RIPK2: variants seen among roughly 807,000 people sequenced by gnomAD.
RIPK2 encodes receptor-interacting serine/threonine-protein kinase 2.
A neutral mutation model predicts 60.9 loss-of-function variants in RIPK2; 38 were observed. The ratio of observed to expected loss-of-function variants is 0.62; its 90% confidence interval spans 0.48 to 0.82. The LOEUF (loss-of-function observed/expected upper bound fraction) is 0.82, where lower values mean the gene tolerates loss of function less well. RIPK2 is among the 40% of genes least tolerant of loss of function. RIPK2 has a pLI of 0.00. For missense variants in RIPK2, 518 were observed against 647.0 expected, an observed-to-expected ratio of 0.80 and a Z score of 2.16; for synonymous variants, 225 against 223.4, an observed-to-expected ratio of 1.01 and a Z score of -0.06.
At chr8:89,769,664 C>A in intron 3 of RIPK2, 108 bp from the exon 4 acceptor site, 1 of 687,958 alleles carries the variant, frequency 1.5e-6, no homozygotes, top group South Asian at 2.9e-5. Flanking sequence ...AAATATATTA[C>A]ATTTTCTCTG....
At chr8:89,780,989 A>G (rs1013282042) in intron 7 of RIPK2, among the ~76,000 whole-genome samples, 1 of 151,160 alleles carries the variant, frequency 6.6e-6, no homozygotes, top group African/African-American at 2.4e-5. Flanking sequence ...AAAAGCAACC[A>G]CAGTTCATTA....
At chr8:89,788,213 CA>C (rs1809618327) in intron 9 of RIPK2, among the ~76,000 whole-genome samples, 2 of 151,570 alleles carry the variant, frequency 1.3e-5, no homozygotes, top group South Asian at 4.2e-4. Context: ...TATGGTGGTG[CA>C]CACCTGTAAT....
chr8:89,779,273 C>T (rs1467750693), intron 6 of RIPK2, among the ~76,000 whole-genome samples: 5 of 135,974 alleles, frequency 3.7e-5, no homozygotes, highest in Non-Finnish European at 6.3e-5. Flanking sequence ...CAAAAGTGTT[C>T]AAATTTTTTG....
intron 6 of RIPK2, among the ~76,000 whole-genome samples, chr8:89,777,651 A>G (rs2130570154): frequency 6.6e-6 from 1 of 152,142 alleles, no homozygotes; most frequent in African/African-American, 2.4e-5. Context: ...GACATGTTTC[A>G]TTTATAGCCA....
At chr8:89,765,825 T>C (rs1480872123) in intron 3 of RIPK2, among the ~76,000 whole-genome samples, 1 of 151,802 alleles carries the variant, frequency 6.6e-6, no homozygotes, top group Non-Finnish European at 1.5e-5. Flanking sequence ...TAAAGAGGTT[T>C]CATGTATCCT....
chr8:89,790,310 T>G lies in RIPK2; in HGVS notation c.1517T>G (p.Val506Gly). The change falls in exon 11 of 11, where the codon GTA becomes GGA. Residue 506 changes from valine (V) to glycine (G), a missense_variant. This residue lies in a region of RIPK2 where 41 missense variants were observed against 43.7 expected (regional missense o/e 0.94). Coordinates refer to ENST00000220751, the MANE Select transcript of RIPK2 (RefSeq NM_003821.6). ...GGAGAAGAATTTGCCAAAGTTATAG[T>G]ACAAAAATTGAAAGATAACAAACAA... ...IQGEEFAKVI[V>G]QKLKDNKQMG... The G allele has an allele frequency of 6.2e-7, 1 of 1,614,046 alleles. No individual in the cohort carries two copies. The highest frequency in any genetic ancestry group is 8.5e-7 in the Non-Finnish European group (1 of 1,179,930).
chr8:89,783,757 A>G (rs532394437), intron 7 of RIPK2, among the ~76,000 whole-genome samples: 41 of 152,298 alleles, frequency 2.7e-4, no homozygotes, highest in African/African-American at 7.5e-4. Flanking sequence ...TATAAGCTCA[A>G]TCTCTAGAAC....
At chr8:89,765,755 CT>C (rs903487355) in intron 3 of RIPK2, among the ~76,000 whole-genome samples, 38 of 147,230 alleles carry the variant, frequency 2.6e-4, no homozygotes, top group South Asian at 2.3e-3. Flanking sequence ...TCAAGATCAC[CT>C]TTTTTTTTTA....
At chr8:89,783,312 CACA>C (rs1809530833) in intron 7 of RIPK2, among the ~76,000 whole-genome samples, 1 of 152,316 alleles carries the variant, frequency 6.6e-6, no homozygotes, top group South Asian at 2.1e-4. Context: ...TTAATTTTAA[CACA>C]AAAGAATAGT....
chr8:89,765,626 A>G lies in RIPK2; in HGVS notation c.483+130A>G, dbSNP rs984158230. ...TAGAGACTAATGAATAGTAATTTCC[A>G]TAGCCCCTAATTTCTATCTTCTATT... On this transcript the variant is annotated intron_variant, in intron 3 of 10. Transcript: ENST00000220751. 5.2e-5 allele frequency: 27 copies of G among 518,046 alleles called. No homozygotes were observed. In the Admixed American group the frequency reaches 1.0e-3, roughly 19 times the overall value. The allele number at this position is 518,046 out of a possible 1,614,324, so 32.1% of individuals were successfully genotyped here. A position where few individuals can be genotyped will look rare whatever the true frequency, so the allele number is the denominator to read the frequency against.
intron 9 of RIPK2, among the ~76,000 whole-genome samples, chr8:89,786,919 A>T (rs1015358192): frequency 2.0e-5 from 3 of 152,040 alleles, no homozygotes. Context: ...TAATCCCAGC[A>T]TGTTGGGTGG....
At chr8:89,775,796 A>G (rs1809387801) in intron 6 of RIPK2, among the ~76,000 whole-genome samples, 1 of 152,192 alleles carries the variant, frequency 6.6e-6, no homozygotes, top group Admixed American at 6.5e-5. Flanking sequence ...AGAGCAGATG[A>G]TCAGCTAGCT....
intron 6 of RIPK2, among the ~76,000 whole-genome samples, chr8:89,777,864 T>A (rs1422841258): frequency 6.6e-6 from 1 of 152,036 alleles, no homozygotes; most frequent in Non-Finnish European, 1.5e-5. Context: ...AAAAGCAGAT[T>A]CTGGGAACCT....
intron 6 of RIPK2, among the ~76,000 whole-genome samples, chr8:89,779,506 G>T (rs968003300): frequency 6.6e-6 from 1 of 151,912 alleles, no homozygotes; most frequent in South Asian, 2.1e-4. Context: ...ATTTTTAGTA[G>T]AGACGGGGTT....
At chr8:89,771,348 AAAG>A (rs1433409943) in intron 4 of RIPK2, among the ~76,000 whole-genome samples, 1 of 146,174 alleles carries the variant, frequency 6.8e-6, no homozygotes, top group African/African-American at 2.4e-5. Flanking sequence ...TTCTACTACC[AAAG>A]AAGATAGTGC....
At position 89,758,244 on chromosome 8, in the gene RIPK2, A is replaced by G; in HGVS notation, c.173+11A>G. The G allele has an allele frequency of 6.3e-7, 1 of 1,591,150 alleles. No individual in the cohort carries two copies. The highest frequency in any genetic ancestry group is 8.6e-7 in the Non-Finnish European group (1 of 1,169,314). On this transcript the variant is annotated intron_variant, in intron 1 of 10. Coordinates refer to ENST00000220751, the MANE Select transcript of RIPK2 (RefSeq NM_003821.6). ...TCCGCTGCTCGACAGGTAGGCAGTCACTGGGGTTCCCTGGAAGAGCCCTCA... is the reference window on the plus strand; with the variant it reads ...TCCGCTGCTCGACAGGTAGGCAGTCGCTGGGGTTCCCTGGAAGAGCCCTCA...
chr8:89,786,590 T>C lies in RIPK2; in HGVS notation c.1030-3T>C. On this transcript the variant is annotated splice_polypyrimidine_tract_variant and splice_region_variant and intron_variant, in intron 8 of 10. Transcript: ENST00000220751. ...TAAACCCTTTATTTTTTATTTACTT[T>C]AGGAATCATGTGGATCCTCTCAGCT... The C allele has an allele frequency of 6.6e-7, 1 of 1,509,916 alleles. No individual in the cohort carries two copies. Among genetic ancestry groups the C allele is most frequent in the Non-Finnish European group, 9.1e-7 (1 of 1,095,318 alleles). 93.5% of individuals were successfully genotyped at this position (1,509,916 alleles called of 1,614,324 possible).
In RIPK2 at chr8:89,765,485, T is replaced by C. The variant is rs765640588; in HGVS notation, c.472T>C (p.Phe158Leu). ...KTQNILLDNE[F>L]HVKIADFGLS... ...TCAGAATATCTTATTGGACAATGAA[T>C]TTCATGTTAAGGTAATTACTTTTTT... Residue 158 changes from phenylalanine (F) to leucine (L), a missense_variant, in exon 3 of 11, where the codon TTT becomes CTT. By Grantham distance (22) the Phe-to-Leu change is conservative. Coordinates refer to ENST00000220751, the MANE Select transcript of RIPK2 (RefSeq NM_003821.6). 5.1e-6 allele frequency: 8 copies of C among 1,575,934 alleles called. No individual in the cohort carries two copies. Among genetic ancestry groups the C allele is most frequent in the Non-Finnish European group, 6.1e-6 (7 of 1,148,950 alleles).
intron 8 of RIPK2, among the ~76,000 whole-genome samples, chr8:89,784,383 C>G (rs1586133262): frequency 6.6e-6 from 1 of 152,100 alleles, no homozygotes; most frequent in East Asian, 1.9e-4. Flanking sequence ...AGTTCTGTCC[C>G]TGTCATTGTT....
Sources: allele counts gnomAD v4.1 joint callset (sites outside exome capture counted in the v4.1 genomes callset), GRCh38; gene constraint gnomAD v4.1.1; regional missense constraint gnomAD v4.1.1; transcripts MANE v1.5; gene names NCBI Gene and HGNC (gene_info 2026-07-23, HGNC 2026-07-21).